FUBP3: variants seen among roughly 807,000 people sequenced by gnomAD.
FUBP3 encodes far upstream element binding protein 3.
FUBP3 carries 28 observed loss-of-function variants against 85.6 expected under a neutral mutation model. The ratio of observed to expected loss-of-function variants is 0.33; its 90% CI spans 0.24 to 0.45. The LOEUF is 0.45. Ranked by LOEUF, FUBP3 falls within the 20% of genes least tolerant of loss-of-function variation. The pLI is 1.00. For synonymous variants in FUBP3, 271 were observed against 271.4 expected, an observed-to-expected ratio of 1.00 and a Z score of 0.01; for missense variants, 583 against 755.1, an observed-to-expected ratio of 0.77 and a Z score of 2.67.
At chr9:130,631,075 A>G in intron 13 of FUBP3, 1 of 1,041,448 alleles carries the variant, frequency 9.6e-7, no homozygotes, top group Non-Finnish European at 1.2e-6. Context: ...CTGGGGCGGC[A>G]GCCTCCCCCC....
At chr9:130,581,816 C>G (rs1261304859) in intron 1 of FUBP3, 1 of 152,176 alleles carries the variant, frequency 6.6e-6, no homozygotes, top group Non-Finnish European at 1.5e-5. Flanking sequence ...TGTCAAAGAG[C>G]AGTAAAGTGT....
At chr9:130,579,891 C>G (rs1588104182) in intron 1 of FUBP3, 127 bp downstream of exon 1, 1 of 523,902 alleles carries the variant, frequency 1.9e-6, no homozygotes, top group African/African-American at 2.0e-5. Context: ...CCGGGCCGTT[C>G]CGTGGAGTTC....
rs961383192 is a variant in FUBP3 at position 130,616,766 on chromosome 9, C to T, written c.567+249C>T. Among the ~76,000 whole-genome samples the T allele has an allele frequency of 6.6e-6, 1 of 152,210 alleles. No homozygotes were observed. Among genetic ancestry groups the T allele is most frequent in the Admixed American group, 6.5e-5 (1 of 15,278 alleles). On this transcript the variant is annotated intron_variant, in intron 7 of 18. Coordinates refer to ENST00000319725, the MANE Select transcript of FUBP3 (RefSeq NM_003934.2). This position sits in a 1 kb window ranked among gnomAD's most constrained non-coding sequence, Gnocchi z 4.7. Reference sequence around the variant, plus strand: ...AGGGGCCCCAGTGAACTTTGAGCAGCCTTTTTGGCAGTGAGCTCTGTGAGG... The same window carrying T: ...AGGGGCCCCAGTGAACTTTGAGCAGTCTTTTTGGCAGTGAGCTCTGTGAGG...
chr9:130,599,387 A>ATG (rs1831037917), intron 2 of FUBP3, among the ~76,000 whole-genome samples: 2 of 143,234 alleles, frequency 1.4e-5, no homozygotes, highest in Non-Finnish European at 3.0e-5. Context: ...GTGTGTGTAT[A>ATG]TATATATATA....
chr9:130,637,042 A>G lies in FUBP3; in HGVS notation c.*20A>G, dbSNP rs1281190227. The G allele has an allele frequency of 3.1e-6, 5 of 1,604,604 alleles. No individual in the cohort carries two copies. Among genetic ancestry groups the G allele is most frequent in the East Asian group, 2.2e-5 (1 of 44,856 alleles). ...CAGTAGGACAGCGTCCTCGTGGCCA[A>G]CTCTCCCCTCAAAATCATTGTCAAA... On this transcript the variant is annotated 3_prime_UTR_variant, in exon 19 of 19. Transcript: ENST00000319725.
At chr9:130,603,404 G>GTTGACAAC (rs1440026132) in intron 2 of FUBP3, among the ~76,000 whole-genome samples, 3 of 147,972 alleles carry the variant, frequency 2.0e-5, no homozygotes, top group Non-Finnish European at 3.0e-5. Flanking sequence ...ATTTTATCCA[G>GTTGACAAC]TTGACAACTC....
intron 18 of FUBP3, 166 bp downstream of exon 18, chr9:130,636,292 CCT>C: frequency 1.4e-6 from 1 of 736,576 alleles, no homozygotes; most frequent in Non-Finnish European, 2.4e-6. Context: ...GGCTCCAGCC[CCT>C]CTGTCCCTCC....
Position 130,637,040 on chromosome 9 carries a change from C to A in FUBP3, c.*18C>A. On this transcript the variant is annotated 3_prime_UTR_variant, in exon 19 of 19. Coordinates refer to ENST00000319725, the MANE Select transcript of FUBP3 (RefSeq NM_003934.2). ...AGCAGTAGGACAGCGTCCTCGTGGC[C>A]AACTCTCCCCTCAAAATCATTGTCA... 1 of 1,604,336 alleles carries A rather than the reference C, an allele frequency of 6.2e-7. No homozygotes were observed. Among genetic ancestry groups the A allele is most frequent in the Non-Finnish European group, 8.5e-7 (1 of 1,171,150 alleles).
chr9:130,590,224 C>T (rs1302789784), intron 1 of FUBP3, among the ~76,000 whole-genome samples: 1 of 152,082 alleles, frequency 6.6e-6, no homozygotes, highest in Non-Finnish European at 1.5e-5. Context: ...TCACCTTGTG[C>T]ATTTTTCTTG....
intron 1 of FUBP3, 39 bp from the exon 2 acceptor site, chr9:130,595,444 G>A (rs1401435810): frequency 1.0e-6 from 1 of 968,820 alleles, no homozygotes; most frequent in Non-Finnish European, 1.7e-6. Context: ...ATAGAGCCAT[G>A]GTTTGTTACT....
At chr9:130,621,883 C>T (rs988107777) in intron 9 of FUBP3, among the ~76,000 whole-genome samples, 1 of 149,246 alleles carries the variant, frequency 6.7e-6, no homozygotes, top group Non-Finnish European at 1.5e-5. Context: ...CCAGCCTGGG[C>T]GACAGAGCAA....
intron 12 of FUBP3, among the ~76,000 whole-genome samples, chr9:130,627,727 G>T (rs746152459): frequency 2.0e-5 from 3 of 152,242 alleles, no homozygotes; most frequent in Admixed American, 1.3e-4. Context: ...CAGCCTGACC[G>T]CTGTGAGACT....
chr9:130,598,473 A>G (rs774159014), intron 2 of FUBP3, among the ~76,000 whole-genome samples: 11 of 152,356 alleles, frequency 7.2e-5, no homozygotes, highest in Non-Finnish European at 1.5e-4. Context: ...GTGTGTGCAC[A>G]GAGGCAGACA....
chr9:130,591,589 A>G (rs1190411245), intron 1 of FUBP3, among the ~76,000 whole-genome samples: 1 of 152,212 alleles, frequency 6.6e-6, no homozygotes, highest in South Asian at 2.1e-4. Context: ...CGTAGTATAA[A>G]TGTAATTTAT....
intron 2 of FUBP3, among the ~76,000 whole-genome samples, chr9:130,608,002 A>G (rs1312370989): frequency 6.6e-6 from 1 of 152,236 alleles, no homozygotes; most frequent in African/African-American, 2.4e-5. Flanking sequence ...ATACTTTGCC[A>G]ACAAAAAGGA....
intron 1 of FUBP3, chr9:130,581,966 C>T (rs1000863149): frequency 6.6e-6 from 1 of 152,180 alleles, no homozygotes; most frequent in Non-Finnish European, 1.5e-5. Flanking sequence ...TTGAAGCCTC[C>T]GTGTATATCC....
At chr9:130,617,956 C>G (rs1832091538) in intron 8 of FUBP3, 61 bp downstream of exon 8, 2 of 746,524 alleles carry the variant, frequency 2.7e-6, no homozygotes, top group South Asian at 1.8e-5. Flanking sequence ...CGGTGGTACC[C>G]TAGAGCTTTT....
intron 1 of FUBP3, among the ~76,000 whole-genome samples, chr9:130,586,392 TTCTC>T (rs375235938): frequency 3.3e-5 from 5 of 152,190 alleles, no homozygotes; most frequent in African/African-American, 9.6e-5. Context: ...GGGCTATTAA[TTCTC>T]TCTCTCTCTT....
chr9:130,609,942 T>C lies in FUBP3; in HGVS notation c.191-12T>C. 1 of 1,603,384 alleles carries C rather than the reference T, an allele frequency of 6.2e-7. No individual in the cohort carries two copies. Among genetic ancestry groups the C allele is most frequent in the Non-Finnish European group, 8.5e-7 (1 of 1,171,260 alleles). ...TGCTTTGATTTTTTTTTTCTCTTTC[T>C]CTTTGCCACAGTAGGTAACCAGTTA... On this transcript the variant is annotated splice_polypyrimidine_tract_variant and intron_variant, in intron 2 of 18. Coordinates refer to ENST00000319725, the MANE Select transcript of FUBP3 (RefSeq NM_003934.2).
Sources: allele counts gnomAD v4.1 joint callset (sites outside exome capture counted in the v4.1 genomes callset), GRCh38; gene constraint gnomAD v4.1.1; non-coding constraint Gnocchi (gnomAD v3.1); transcripts MANE v1.5; gene names NCBI Gene and HGNC (gene_info 2026-07-23, HGNC 2026-07-21).